ADARB2: variants seen among roughly 807,000 people sequenced by gnomAD.
The protein encoded by ADARB2 is inactive double-stranded RNA-specific editase B2.
In ADARB2, 25 loss-of-function variants were observed where a neutral mutation model predicts 62.2. That is an observed-to-expected ratio of 0.40 (90% CI 0.29 to 0.56). ADARB2 has a LOEUF of 0.56. ADARB2 is among the 20% of genes least tolerant of loss of function. The pLI, the probability that ADARB2 is intolerant of heterozygous loss-of-function variation, is 0.43. For missense variants in ADARB2, 1,071 were observed against 1,077.4 expected (o/e 0.99, Z 0.08); for synonymous variants, 572 against 500.8 (o/e 1.14, Z -1.90).
At chr10:1,471,879 C>G (rs61712005) in intron 1 of ADARB2, among the ~76,000 whole-genome samples, 73,887 of 152,078 alleles carry the variant, frequency 0.49, 18,194 homozygotes, top group Admixed American at 0.57. Flanking sequence ...AGGAGAGAAC[C>G]TTGTCTCACC....
At chr10:1,195,690 A>G (rs1836901263) in intron 8 of ADARB2, among the ~76,000 whole-genome samples, 1 of 152,126 alleles carries the variant, frequency 6.6e-6, no homozygotes, top group Non-Finnish European at 1.5e-5. Flanking sequence ...ATCCTGGTTC[A>G]GAAGAAGAGG....
intron 3 of ADARB2, among the ~76,000 whole-genome samples, chr10:1,313,336 C>A (rs929811002): frequency 1.1e-4 from 17 of 152,214 alleles, no homozygotes; most frequent in Non-Finnish European, 2.1e-4. Context: ...CCTTCCACAG[C>A]CAGGGGTGTC....
At chr10:1,324,618 G>A (rs1831826371) in intron 3 of ADARB2, among the ~76,000 whole-genome samples, 1 of 152,238 alleles carries the variant, frequency 6.6e-6, no homozygotes, top group African/African-American at 2.4e-5. Flanking sequence ...TATGCTGAGT[G>A]AAAAGACATG....
At position 1,356,384 on chromosome 10, in the gene ADARB2, G is replaced by A. The variant is rs1015548094; in HGVS notation, c.1077+6644C>T. ...ACAGGCAGCCAGCTGGGGTGGAAGG[G>A]CGTCCTGGGGACCCACCCCCTGGAG... is the stretch of plus-strand genomic sequence containing the variant. On this transcript the variant is annotated intron_variant, in intron 3 of 9. Coordinates refer to ENST00000381312, the MANE Select transcript of ADARB2 (RefSeq NM_018702.4). Among the ~76,000 whole-genome samples, 8 of 152,216 alleles carry A rather than the reference G, an allele frequency of 5.3e-5. No individual in the cohort carries two copies. In the South Asian group the frequency reaches 8.3e-4, roughly 16 times the overall value.
Position 1,399,649 on chromosome 10 carries a change from C to T in ADARB2, c.101-20489G>A, listed in dbSNP as rs189692257. On this transcript the variant is annotated intron_variant, in intron 1 of 9. Coordinates refer to ENST00000381312, the MANE Select transcript of ADARB2 (RefSeq NM_018702.4). ...GGGTCGTCCTGCTGTGTGATGATCACGCCCTGAGACGCATTCGTAAATGTG... is the reference window on the plus strand; with the variant it reads ...GGGTCGTCCTGCTGTGTGATGATCATGCCCTGAGACGCATTCGTAAATGTG... Among the ~76,000 whole-genome samples, 225 of 152,252 alleles carry T rather than the reference C, an allele frequency of 1.5e-3. 2 individuals carry two copies. The highest frequency in any genetic ancestry group is 0.012 in the Admixed American group (179 of 15,298).
intron 1 of ADARB2, among the ~76,000 whole-genome samples, chr10:1,661,131 C>T (rs181060731): frequency 2.6e-5 from 4 of 152,266 alleles, no homozygotes; most frequent in Middle Eastern, 3.4e-3. Flanking sequence ...TGCTCCTGAC[C>T]GAAATCAGCC....
At chr10:1,327,169 G>T (rs555852441) in intron 3 of ADARB2, among the ~76,000 whole-genome samples, 2 of 87,224 alleles carry the variant, frequency 2.3e-5, no homozygotes, top group South Asian at 7.2e-4. Flanking sequence ...ACAGTTTAGT[G>T]CCTGCCCACA....
Position 1,607,693 on chromosome 10 carries a change from T to G in ADARB2, c.100+129358A>C, listed in dbSNP as rs192284099. Among the ~76,000 whole-genome samples the G allele has an allele frequency of 3.9e-5, 6 of 152,274 alleles. No individual in the cohort carries two copies. The East Asian group carries it at 1.2e-3, about 29-fold the overall frequency. On this transcript the variant is annotated intron_variant, in intron 1 of 9. Coordinates refer to ENST00000381312, the MANE Select transcript of ADARB2 (RefSeq NM_018702.4). Reference sequence around the variant, plus strand: ...CCTAGGGACCCTGCCCGCAGCGACATGCATAGAATCATGACTCCAGGCAGG... The same window carrying G: ...CCTAGGGACCCTGCCCGCAGCGACAGGCATAGAATCATGACTCCAGGCAGG...
At chr10:1,555,610 G>T (rs573060849) in intron 1 of ADARB2, among the ~76,000 whole-genome samples, 1 of 152,086 alleles carries the variant, frequency 6.6e-6, no homozygotes, top group South Asian at 2.1e-4. Context: ...TCAGGTATGC[G>T]AGACTACAAG....
intron 1 of ADARB2, among the ~76,000 whole-genome samples, chr10:1,446,665 C>T (rs915116746): frequency 6.6e-6 from 1 of 152,218 alleles, no homozygotes; most frequent in Non-Finnish European, 1.5e-5. Context: ...GTCACTTGAA[C>T]TCTGTGTGCC....
At chr10:1,647,774 GTGTGTATATA>G (rs913012791) in intron 1 of ADARB2, among the ~76,000 whole-genome samples, 1 of 151,280 alleles carries the variant, frequency 6.6e-6, no homozygotes, top group African/African-American at 2.4e-5. Flanking sequence ...TATGTGTGGT[GTGTGTATATA>G]TGTGTATGCA....
Position 1,276,456 on chromosome 10 carries a change from T to G in ADARB2, c.1078-5387A>C, listed in dbSNP as rs945251441. 3.6e-3 allele frequency among the ~76,000 whole-genome samples: 541 copies of G among 152,208 alleles called. 5 individuals carry two copies. The highest frequency in any genetic ancestry group is 0.016 in the East Asian group (85 of 5,170). ...GCAAAAATTTTCTTCCATTTTGTAGTTTGCCTGTTCACTCTGATGGTAGTT... is the reference window on the plus strand; with the variant it reads ...GCAAAAATTTTCTTCCATTTTGTAGGTTGCCTGTTCACTCTGATGGTAGTT... On this transcript the variant is annotated intron_variant, in intron 3 of 9. Transcript: ENST00000381312.
At chr10:1,544,450 GGGACGT>G (rs1832488707) in intron 1 of ADARB2, among the ~76,000 whole-genome samples, 1 of 152,186 alleles carries the variant, frequency 6.6e-6, no homozygotes, top group Non-Finnish European at 1.5e-5. Context: ...CTTTTCACAC[GGGACGT>G]GGACTAGCTG....
At chr10:1,440,381 T>C (rs902954123) in intron 1 of ADARB2, among the ~76,000 whole-genome samples, 4 of 151,842 alleles carry the variant, frequency 2.6e-5, no homozygotes, top group African/African-American at 9.7e-5. Flanking sequence ...TCTAATATTA[T>C]ATCTCCAGTC....
At chr10:1,655,815 A>G (rs1464692330) in intron 1 of ADARB2, among the ~76,000 whole-genome samples, 1 of 152,268 alleles carries the variant, frequency 6.6e-6, no homozygotes, top group African/African-American at 2.4e-5. Context: ...TTTCAGTAGC[A>G]TCTTTGTTCA....
rs1182141700 is a variant in ADARB2, at chr10:1,426,962, CTA to C, written c.101-47804_101-47803del. 6.6e-6 allele frequency among the ~76,000 whole-genome samples: 1 copy of C among 152,276 alleles called. No individual in the cohort carries two copies. Among genetic ancestry groups the C allele is most frequent in the Non-Finnish European group, 1.5e-5 (1 of 68,048 alleles). ...TGCCCATCGGGAAGAGGCCACAGAG[CTA>C]TGTGTCGGCCCCACGCTTGGGCAGA... is the stretch of plus-strand genomic sequence containing the variant. On this transcript the variant is annotated intron_variant, in intron 1 of 9. Coordinates refer to ENST00000381312, the MANE Select transcript of ADARB2 (RefSeq NM_018702.4). This position sits in a 1 kb window ranked among gnomAD's most constrained non-coding sequence, Gnocchi z 4.1.
intron 1 of ADARB2, among the ~76,000 whole-genome samples, chr10:1,585,978 G>A (rs10903499): frequency 0.15 from 23,280 of 152,120 alleles, 2,204 homozygotes; most frequent in East Asian, 0.39. Context: ...AGCTTGCAGT[G>A]AGCCAAGATA....
intron 3 of ADARB2, among the ~76,000 whole-genome samples, chr10:1,344,851 G>T (rs995199507): frequency 1.3e-5 from 2 of 152,222 alleles, no homozygotes; most frequent in African/African-American, 4.8e-5. Flanking sequence ...TGGCTGTGCT[G>T]GGGGTTGGGC....
rs370997272 is a variant in ADARB2, at chr10:1,268,641, TTAAG to T, written c.1192+2310_1192+2313del. 1.0e-3 allele frequency among the ~76,000 whole-genome samples: 157 copies of T among 152,354 alleles called. 1 individual carries two copies. The highest frequency in any genetic ancestry group is 0.01 in the Middle Eastern group (3 of 294). On this transcript the variant is annotated intron_variant, in intron 4 of 9. Coordinates refer to ENST00000381312, the MANE Select transcript of ADARB2 (RefSeq NM_018702.4). Reference sequence around the variant, plus strand: ...ATTAAGATCAAATGGCACATCAACTTTAAGTAAATGAGTATCTAAAAATGTTTGT... The same window carrying T: ...ATTAAGATCAAATGGCACATCAACTTTAAATGAGTATCTAAAAATGTTTGT...
Sources: allele counts gnomAD v4.1 joint callset (sites outside exome capture counted in the v4.1 genomes callset), GRCh38; gene constraint gnomAD v4.1.1; non-coding constraint Gnocchi (gnomAD v3.1); transcripts MANE v1.5; gene names NCBI Gene and HGNC (gene_info 2026-07-23, HGNC 2026-07-21).